Variants in GRIN2B observed in about 807,000 individuals in gnomAD.
GRIN2B encodes the protein glutamate ionotropic receptor NMDA type subunit 2B.
GRIN2B carries 5 observed loss-of-function variants against 114.5 expected under a neutral mutation model. That is an observed-to-expected ratio of 0.04 (90% CI 0.02 to 0.09). The LOEUF is 0.09. Ranked by LOEUF, GRIN2B falls within the 10% of genes least tolerant of loss-of-function variation. The pLI, the probability that GRIN2B is intolerant of heterozygous loss-of-function variation, is 1.00. For missense variants in GRIN2B, 1,108 were observed against 1,943.5 expected, an observed-to-expected ratio of 0.57 and a Z score of 8.08; for synonymous variants, 787 against 745.1, an observed-to-expected ratio of 1.06 and a Z score of -0.92.
At chr12:13,684,139 G>A (rs1431476509) in intron 4 of GRIN2B, among the ~76,000 whole-genome samples, 2 of 151,808 alleles carry the variant, frequency 1.3e-5, no homozygotes, top group Non-Finnish European at 2.9e-5. Context: ...AGGTTTTTTT[G>A]CAGTGGGCAG....
chr12:13,564,138 G>C lies in GRIN2B; in HGVS notation c.3100C>G (p.Gln1034Glu), dbSNP rs1326032862. 1 of 1,614,062 alleles carries C rather than the reference G, an allele frequency of 6.2e-7. No individual in the cohort carries two copies. The highest frequency in any genetic ancestry group is 8.5e-7 in the Non-Finnish European group (1 of 1,180,046). ...AATTTGCCGTACAGGTCACTGAGCT[G>C]GCTGTGCTTGGAGGAGGGGAGGCCG... is the stretch of plus-strand genomic sequence containing the variant. ...DIGLPSSKHS[Q>E]LSDLYGKFSF... The change falls in exon 14 of 14, where the codon CAG becomes GAG. Residue 1034 changes from glutamine (Q) to glutamate (E), a missense_variant. Around this residue, in one of 19 missense-constraint regions of GRIN2B, gnomAD observed 140 missense variants for 187.5 expected, o/e 0.75. Transcript: ENST00000609686. The surrounding 1 kb of genome is among the most constrained non-coding windows in gnomAD (Gnocchi z 4.8).
chr12:13,675,259 A>G (rs1950061975), intron 5 of GRIN2B, among the ~76,000 whole-genome samples: 1 of 152,128 alleles, frequency 6.6e-6, no homozygotes, highest in South Asian at 2.1e-4. Flanking sequence ...ACAGAAATTA[A>G]TTTCTGATGG....
At chr12:13,912,223 A>G (rs1025171580) in intron 2 of GRIN2B, among the ~76,000 whole-genome samples, 2 of 151,694 alleles carry the variant, frequency 1.3e-5, no homozygotes, top group Non-Finnish European at 2.9e-5. Context: ...CAATCTAAAA[A>G]CTCTGTGCAG....
chr12:13,726,335 G>A (rs930400588), intron 4 of GRIN2B, among the ~76,000 whole-genome samples: 1 of 151,804 alleles, frequency 6.6e-6, no homozygotes, highest in African/African-American at 2.4e-5. Flanking sequence ...AGGAGTTTGA[G>A]ACCAGCCTGG....
intron 2 of GRIN2B, among the ~76,000 whole-genome samples, chr12:13,977,989 T>C (rs1351014967): frequency 6.6e-6 from 1 of 152,138 alleles, no homozygotes; most frequent in South Asian, 2.1e-4. Flanking sequence ...GCTTCATCCA[T>C]TGGCATTCAA....
chr12:13,935,840 T>C (rs958810451), intron 2 of GRIN2B, among the ~76,000 whole-genome samples: 1 of 152,222 alleles, frequency 6.6e-6, no homozygotes, highest in Non-Finnish European at 1.5e-5. Context: ...GGACAAAAGA[T>C]GTGAGGCAAC....
At chr12:13,678,370 C>T (rs1188687039) in intron 4 of GRIN2B, among the ~76,000 whole-genome samples, 1 of 152,074 alleles carries the variant, frequency 6.6e-6, no homozygotes, top group Non-Finnish European at 1.5e-5. Flanking sequence ...GATATGGTGC[C>T]ATCGCTATTG....
intron 2 of GRIN2B, among the ~76,000 whole-genome samples, chr12:13,936,397 C>A (rs745956911): frequency 2.6e-5 from 4 of 152,130 alleles, no homozygotes; most frequent in Non-Finnish European, 5.9e-5. Flanking sequence ...CTACTATAGT[C>A]TCACCCTAAT....
upstream of GRIN2B, among the ~76,000 whole-genome samples, chr12:13,981,740 CCG>C (rs1284066862): frequency 4.0e-5 from 6 of 151,498 alleles, no homozygotes; most frequent in Non-Finnish European, 8.8e-5. Context: ...TGCAAGTCAA[CCG>C]CGCGGCAGCC....
chr12:13,685,130 G>A (rs1950166092), intron 4 of GRIN2B, among the ~76,000 whole-genome samples: 1 of 152,134 alleles, frequency 6.6e-6, no homozygotes, highest in Admixed American at 6.6e-5. Context: ...GAATAAGAAG[G>A]CTTTTCTCTC....
chr12:13,822,740 T>C (rs1864961844), intron 3 of GRIN2B, among the ~76,000 whole-genome samples: 1 of 151,938 alleles, frequency 6.6e-6, no homozygotes, highest in Non-Finnish European at 1.5e-5. Context: ...AGTCAAAATA[T>C]ATAAATTTGC....
At chr12:13,574,127 A>C (rs528697276) in intron 10 of GRIN2B, among the ~76,000 whole-genome samples, 1 of 152,334 alleles carries the variant, frequency 6.6e-6, no homozygotes, top group South Asian at 2.1e-4. Context: ...AGGGTAAGTA[A>C]TTTGCTCCAC....
At chr12:13,609,600 C>T (rs1489984579) in intron 9 of GRIN2B, among the ~76,000 whole-genome samples, 3 of 152,054 alleles carry the variant, frequency 2.0e-5, no homozygotes, top group Admixed American at 2.0e-4. Context: ...GGTGAAACCC[C>T]GTCTCTACTA....
At chr12:13,739,493 A>T (rs1278349752) in intron 4 of GRIN2B, among the ~76,000 whole-genome samples, 3 of 151,474 alleles carry the variant, frequency 2.0e-5, no homozygotes, top group Middle Eastern at 3.2e-3. Flanking sequence ...CCTCTACCAC[A>T]TAGCTTCCCT....
At chr12:13,900,302 C>T (rs11055672) in intron 2 of GRIN2B, among the ~76,000 whole-genome samples, 4 of 151,880 alleles carry the variant, frequency 2.6e-5, no homozygotes, top group East Asian at 1.9e-4. Flanking sequence ...GGAGAAACCC[C>T]GTCTCGACTG....
At chr12:13,910,638 C>G (rs1475156035) in intron 2 of GRIN2B, among the ~76,000 whole-genome samples, 1 of 152,178 alleles carries the variant, frequency 6.6e-6, no homozygotes, top group Admixed American at 6.5e-5. Flanking sequence ...CTAAGCAACA[C>G]TGCCGCACAC....
chr12:13,672,778 T>C (rs1393574228), intron 5 of GRIN2B, among the ~76,000 whole-genome samples: 1 of 152,128 alleles, frequency 6.6e-6, no homozygotes, highest in Non-Finnish European at 1.5e-5. Context: ...ACAGAATTCC[T>C]TTAAACAGCA....
At chr12:13,856,360 G>A (rs1048035915) in intron 3 of GRIN2B, among the ~76,000 whole-genome samples, 4 of 152,070 alleles carry the variant, frequency 2.6e-5, no homozygotes, top group African/African-American at 7.2e-5. Context: ...AAGCCAGGGC[G>A]GTTTTAAGCA....
intron 2 of GRIN2B, among the ~76,000 whole-genome samples, chr12:13,967,686 G>T (rs1209185065): frequency 6.6e-6 from 1 of 152,232 alleles, no homozygotes; most frequent in African/African-American, 2.4e-5. Flanking sequence ...CACATCGGGA[G>T]GTGGGATGGA....
Sources: allele counts gnomAD v4.1 joint callset (sites outside exome capture counted in the v4.1 genomes callset), GRCh38; gene constraint gnomAD v4.1.1; regional missense constraint gnomAD v4.1.1; non-coding constraint Gnocchi (gnomAD v3.1); transcripts MANE v1.5; gene names NCBI Gene and HGNC (gene_info 2026-07-23, HGNC 2026-07-21).